The following GTF3C3 variants were observed in gnomAD, a reference collection of about 807,000 sequenced individuals.
The protein encoded by GTF3C3 is general transcription factor 3C polypeptide 3.
A neutral mutation model predicts 105.2 loss-of-function variants in GTF3C3; 75 were observed. The observed-to-expected ratio is 0.71, with a 90% CI of 0.59 to 0.86. GTF3C3 has a LOEUF of 0.86. Ranked by LOEUF, GTF3C3 falls within the 40% of genes least tolerant of loss-of-function variation. The pLI, the probability that GTF3C3 is intolerant of heterozygous loss-of-function variation, is 0.00. For synonymous variants in GTF3C3, 335 were observed against 370.4 expected (o/e 0.90, Z 1.10); for missense variants, 856 against 1,076.5 (o/e 0.80, Z 2.87).
At chr2:196,794,461 A>C (rs937963853) in intron 2 of GTF3C3, among the ~76,000 whole-genome samples, 3 of 152,022 alleles carry the variant, frequency 2.0e-5, no homozygotes, top group African/African-American at 7.2e-5. Context: ...TTTGAGATGA[A>C]GTTTTCCTCG....
chr2:196,784,302 C>T (rs556317569), intron 8 of GTF3C3, among the ~76,000 whole-genome samples: 1 of 152,206 alleles, frequency 6.6e-6, no homozygotes, highest in East Asian at 1.9e-4. Context: ...AATTTTGCTA[C>T]AACTTGATGT....
At chr2:196,781,357 A>AAAATAT in intron 8 of GTF3C3, among the ~76,000 whole-genome samples, 7 of 18,818 alleles carry the variant, frequency 3.7e-4, no homozygotes, top group African/African-American at 5.2e-4. Flanking sequence ...AAAAAAAAAA[A>AAAATAT]ATATATATAT....
At chr2:196,784,295 T>C in intron 8 of GTF3C3, among the ~76,000 whole-genome samples, 1 of 152,066 alleles carries the variant, frequency 6.6e-6, no homozygotes, top group East Asian at 1.9e-4. Flanking sequence ...AAAGATCAAT[T>C]TTGCTACAAC....
At chr2:196,782,658 G>A (rs1209961849) in intron 8 of GTF3C3, among the ~76,000 whole-genome samples, 1 of 152,026 alleles carries the variant, frequency 6.6e-6, no homozygotes, top group Non-Finnish European at 1.5e-5. Flanking sequence ...ATCTCAATAT[G>A]AGACAATGTA....
chr2:196,776,058 C>T lies in GTF3C3; in HGVS notation c.1647G>A (p.Met549Ile), dbSNP rs943286658. 1.2e-6 allele frequency: 2 copies of T among 1,600,484 alleles called. No homozygotes were observed. Among genetic ancestry groups the T allele is most frequent in the South Asian group, 1.1e-5 (1 of 88,720 alleles). The stretch of plus-strand genomic sequence containing the variant: ...TAAGTAAGGTATCCACATAACCATA[C>T]ATTTTGCCTTGTGAAAACAACAGAG... The part of the protein sequence containing the change: ...RSTLLFSQGK[M>I]YGYVDTLLTM... Residue 549 changes from methionine to isoleucine, a missense_variant, in exon 12 of 18, where the codon ATG becomes ATA. By Grantham distance (10) the Met-to-Ile change is conservative. Coordinates refer to ENST00000263956, the MANE Select transcript of GTF3C3 (RefSeq NM_012086.5). This position sits in a 1 kb window ranked among gnomAD's most constrained non-coding sequence, Gnocchi z 4.5.
chr2:196,776,382 A>C lies in GTF3C3; in HGVS notation c.1593+45T>G. 1 of 1,495,916 alleles carries C rather than the reference A, an allele frequency of 6.7e-7. No homozygotes were observed. The highest frequency in any genetic ancestry group is 9.3e-7 in the Non-Finnish European group (1 of 1,080,748). 92.7% of individuals were successfully genotyped at this position (1,495,916 alleles called of 1,614,324 possible). On this transcript the variant is annotated intron_variant, in intron 11 of 17. Transcript: ENST00000263956. The surrounding 1 kb of genome is among the most constrained non-coding windows in gnomAD (Gnocchi z 4.5). ...CCTTAATGGAGGAGAAAGTTCTAAA[A>C]TATAATATACCAAGAAAAACTTCCC...
At position 196,794,587 on chromosome 2, in the gene GTF3C3, C is replaced by T. The variant is rs143322581; in HGVS notation, c.215-1435G>A. 5.3e-3 allele frequency among the ~76,000 whole-genome samples: 809 copies of T among 152,138 alleles called. 3 individuals carry two copies. The highest frequency in any genetic ancestry group is 0.018 in the African/African-American group (766 of 41,494). ...GGTAGCTGGGATTACAGGCATGTGC[C>T]ACCACGCCCAGCTAATTTTGTATTT... On this transcript the variant is annotated intron_variant, in intron 2 of 17. Transcript: ENST00000263956.
intron 8 of GTF3C3, among the ~76,000 whole-genome samples, chr2:196,784,560 G>A (rs1396723416): frequency 6.6e-6 from 1 of 152,056 alleles, no homozygotes; most frequent in African/African-American, 2.4e-5. Flanking sequence ...AAAAGTTTTT[G>A]ATAAACTTCA....
intron 15 of GTF3C3, among the ~76,000 whole-genome samples, chr2:196,771,054 C>A (rs1395825901): frequency 6.6e-6 from 1 of 151,944 alleles, no homozygotes; most frequent in East Asian, 1.9e-4. Flanking sequence ...GACATGCATG[C>A]CTAATTTTAA....
chr2:196,775,894 A>T, intron 12 of GTF3C3, 116 bp downstream of exon 12: 1 of 510,672 alleles, frequency 2.0e-6, no homozygotes, highest in Non-Finnish European at 3.4e-6. Flanking sequence ...TTTCATTTTT[A>T]AAAGTTTGAG....
In GTF3C3 at chr2:196,799,568, T is replaced by A; in HGVS notation, c.44A>T (p.Lys15Ile). 6.2e-7 allele frequency: 1 copy of A among 1,614,214 alleles called. No homozygotes were observed. The highest frequency in any genetic ancestry group is 8.5e-7 in the Non-Finnish European group (1 of 1,180,018). ...SPELIDYLEGKISFEEFERRR... is the reference protein window; with the variant it reads ...SPELIDYLEGIISFEEFERRR... ...CCGTTCGAACTCCTCAAAGGAGATTTTCCCTTCCAAGTAGTCGATGAGTTC... is the reference window on the plus strand; with the variant it reads ...CCGTTCGAACTCCTCAAAGGAGATTATCCCTTCCAAGTAGTCGATGAGTTC... The change falls in exon 1 of 18, where the codon AAA becomes ATA. Residue 15 changes from lysine to isoleucine, a missense_variant. This residue lies in a region of GTF3C3 where 117 missense variants were observed against 114.0 expected (regional missense o/e 1.03). Coordinates refer to ENST00000263956, the MANE Select transcript of GTF3C3 (RefSeq NM_012086.5).
intron 8 of GTF3C3, among the ~76,000 whole-genome samples, chr2:196,781,451 T>C (rs1050062345): frequency 1.5e-4 from 22 of 145,028 alleles, no homozygotes; most frequent in African/African-American, 5.0e-4. Flanking sequence ...AGCATTTACA[T>C]TGTATTATTA....
intron 8 of GTF3C3, among the ~76,000 whole-genome samples, chr2:196,781,353 AAAAAATATATATAT>A (rs1357720908): frequency 8.6e-5 from 2 of 23,130 alleles, no homozygotes; most frequent in Non-Finnish European, 2.5e-4. Context: ...AAAAAAAAAA[AAAAAATATATATAT>A]ATATATATAT....
chr2:196,784,888 A>G lies in GTF3C3; in HGVS notation c.1083T>C (p.Thr361=), dbSNP rs1699426677. ...DFSGIVLEKK[T]SEEGTSEENK... ...TCTCTTCTGAGGTGCCTTCTTCTGA[A>G]GTTTTTTTTTCCAGCACAATTCCAG... The change falls in exon 8 of 18, where the codon ACT becomes ACC. Residue 361 remains threonine, a synonymous_variant. Transcript: ENST00000263956. The G allele has an allele frequency of 6.2e-7, 1 of 1,610,984 alleles. No individual in the cohort carries two copies. The highest frequency in any genetic ancestry group is 1.3e-5 in the African/African-American group (1 of 74,870).
At chr2:196,789,183 T>C (rs763887485) in intron 6 of GTF3C3, 21 bp downstream of exon 6, 49 of 1,571,264 alleles carry the variant, frequency 3.1e-5, no homozygotes, top group Non-Finnish European at 3.8e-5. Context: ...AGCAAGTAGA[T>C]CTGTTTCACT....
Position 196,776,296 on chromosome 2 carries a change from A to G in GTF3C3, c.1593+131T>C. 2 of 797,974 alleles carry G rather than the reference A, an allele frequency of 2.5e-6. No homozygotes were observed. The highest frequency in any genetic ancestry group is 4.0e-6 in the Non-Finnish European group (2 of 500,568). 49.4% of individuals were successfully genotyped at this position (797,974 alleles called of 1,614,324 possible). ...CAGTGGCTGAAATCCAATACTTAAAATCATTTTTCAAAAACTTGAATACAC... is the reference window on the plus strand; with the variant it reads ...CAGTGGCTGAAATCCAATACTTAAAGTCATTTTTCAAAAACTTGAATACAC... On this transcript the variant is annotated intron_variant, in intron 11 of 17. Coordinates refer to ENST00000263956, the MANE Select transcript of GTF3C3 (RefSeq NM_012086.5). The surrounding 1 kb of genome is among the most constrained non-coding windows in gnomAD (Gnocchi z 4.5).
At chr2:196,797,674 G>C (rs555477766) in intron 2 of GTF3C3, 123 bp downstream of exon 2, 48 of 645,004 alleles carry the variant, frequency 7.4e-5, no homozygotes, top group African/African-American at 6.8e-4. Context: ...CAAGCATTCT[G>C]TTCCTGAAAA....
At chr2:196,767,135 T>C (rs1699081912) in intron 16 of GTF3C3, 1 of 152,996 alleles carries the variant, frequency 6.5e-6, no homozygotes, top group South Asian at 2.1e-4. Flanking sequence ...GCAAATTCAC[T>C]TGAGTATACT....
At position 196,764,470 on chromosome 2, in the gene GTF3C3, T is replaced by TA; in HGVS notation, c.*92_*93insT. The TA allele has an allele frequency of 8.9e-7, 1 of 1,123,080 alleles. No homozygotes were observed. The highest frequency in any genetic ancestry group is 1.2e-6 in the Non-Finnish European group (1 of 809,626). The allele number at this position is 1,123,080 out of a possible 1,614,324, so 69.6% of individuals were successfully genotyped here. ...TGTTAGGTAATTCTGAAATTGTCAT[T>TA]TCTATTTTGGAGTTACAAATAATAA... is the stretch of plus-strand genomic sequence containing the variant. On this transcript the variant is annotated 3_prime_UTR_variant, in exon 18 of 18. Coordinates refer to ENST00000263956, the MANE Select transcript of GTF3C3 (RefSeq NM_012086.5).
Sources: allele counts gnomAD v4.1 joint callset (sites outside exome capture counted in the v4.1 genomes callset), GRCh38; gene constraint gnomAD v4.1.1; regional missense constraint gnomAD v4.1.1; non-coding constraint Gnocchi (gnomAD v3.1); transcripts MANE v1.5; gene names NCBI Gene and HGNC (gene_info 2026-07-23, HGNC 2026-07-21).